The following LRRC37A3 variants were observed in gnomAD, a reference collection of about 807,000 sequenced individuals.
LRRC37A3 encodes the protein leucine rich repeat containing 37 member A3.
A neutral mutation model predicts 106.2 loss-of-function variants in LRRC37A3; 25 were observed. That is an observed-to-expected ratio of 0.24 (90% CI 0.17 to 0.33). LRRC37A3 has a LOEUF of 0.33. Ranked by LOEUF, LRRC37A3 falls within the 10% of genes least tolerant of loss-of-function variation. The pLI is 1.00. For missense variants in LRRC37A3, 712 were observed against 1,644.9 expected, an observed-to-expected ratio of 0.43 and a Z score of 9.81; for synonymous variants, 305 against 635.8, an observed-to-expected ratio of 0.48 and a Z score of 7.83.
In LRRC37A3 at chr17:64,854,447, T is replaced by G. The variant is rs1249809876; in HGVS notation, c.*152A>C. 2 of 1,117,934 alleles carry G rather than the reference T, an allele frequency of 1.8e-6. No homozygotes were observed. The highest frequency in any genetic ancestry group is 2.4e-5 in the Admixed American group (1 of 41,074). 69.3% of individuals were successfully genotyped at this position (1,117,934 alleles called of 1,614,324 possible). On this transcript the variant is annotated 3_prime_UTR_variant, in exon 15 of 15. Coordinates refer to ENST00000584306, the MANE Select transcript of LRRC37A3 (RefSeq NM_199340.5). Reference sequence around the variant, plus strand: ...TTCAGGTCTGGGTGACTAATTAGACTGGGAAACAAGGGCAGGAACGATGGC... The same window carrying G: ...TTCAGGTCTGGGTGACTAATTAGACGGGGAAACAAGGGCAGGAACGATGGC...
At chr17:64,874,858 G>A (rs569056100) in intron 8 of LRRC37A3, among the ~76,000 whole-genome samples, 5 of 151,860 alleles carry the variant, frequency 3.3e-5, no homozygotes, top group East Asian at 1.9e-4. Context: ...GATTAAGGGC[G>A]GTGCAAGATG....
intron 2 of LRRC37A3, among the ~76,000 whole-genome samples, chr17:64,913,080 G>C (rs62071415): frequency 0.11 from 15,370 of 144,222 alleles, no homozygotes; most frequent in Non-Finnish European, 0.16. Context: ...CCAGGCTAGA[G>C]TGCAATGGCA....
At chr17:64,861,882 G>T (rs1972885476) in intron 11 of LRRC37A3, among the ~76,000 whole-genome samples, 1 of 152,118 alleles carries the variant, frequency 6.6e-6, no homozygotes, top group African/African-American at 2.4e-5. Context: ...TTCTTTTCCA[G>T]AATTAAAAGT....
intron 8 of LRRC37A3, among the ~76,000 whole-genome samples, chr17:64,875,491 A>G (rs1383734522): frequency 6.6e-6 from 1 of 152,248 alleles, no homozygotes; most frequent in Non-Finnish European, 1.5e-5. Flanking sequence ...ATCTACACAA[A>G]GAAATAAAAA....
chr17:64,876,695 C>T (rs1973526263), intron 8 of LRRC37A3, among the ~76,000 whole-genome samples: 1 of 151,972 alleles, frequency 6.6e-6, no homozygotes, highest in Non-Finnish European at 1.5e-5. Context: ...TCTGAATAGA[C>T]AGACCTATGT....
intron 8 of LRRC37A3, among the ~76,000 whole-genome samples, chr17:64,884,409 A>C (rs1490577832): frequency 6.6e-6 from 1 of 151,842 alleles, no homozygotes; most frequent in Non-Finnish European, 1.5e-5. Context: ...TCTGTCCCTC[A>C]GGCTGGAGTG....
Position 64,860,378 on chromosome 17 carries a change from A to G in LRRC37A3, c.3768T>C (p.Pro1256=). The G allele has an allele frequency of 6.2e-7, 1 of 1,613,934 alleles. No homozygotes were observed. The highest frequency in any genetic ancestry group is 1.1e-5 in the South Asian group (1 of 91,078). ...GGGCTTTTGCAGGGCTGGAGGTAGA[A>G]GGCGCGCCCTTGGAGAAGGGTTTCA... ...SVLKPFSKGA[P]STSSPAKALP... is the part of the protein sequence containing the mutation. Residue 1256 remains proline, a synonymous_variant, in exon 12 of 15, where the codon CCT becomes CCC. Coordinates refer to ENST00000584306, the MANE Select transcript of LRRC37A3 (RefSeq NM_199340.5).
intron 2 of LRRC37A3, among the ~76,000 whole-genome samples, chr17:64,916,587 G>C (rs1385600890): frequency 6.8e-6 from 1 of 146,366 alleles, no homozygotes; most frequent in Non-Finnish European, 1.5e-5. Context: ...ATCAGTCTGG[G>C]CAACATATCA....
intron 2 of LRRC37A3, among the ~76,000 whole-genome samples, chr17:64,915,322 T>C (rs2143636166): frequency 6.6e-6 from 1 of 150,920 alleles, no homozygotes; most frequent in East Asian, 1.9e-4. Flanking sequence ...GGAAAATCTT[T>C]GTGAACTTGG....
intron 8 of LRRC37A3, among the ~76,000 whole-genome samples, chr17:64,870,617 A>T (rs1252734764): frequency 6.6e-6 from 1 of 151,886 alleles, no homozygotes; most frequent in African/African-American, 2.4e-5. Flanking sequence ...TTTTTAAATG[A>T]GGAAACTGAG....
Position 64,868,595 on chromosome 17 carries a change from A to G in LRRC37A3, c.2979-59T>C, listed in dbSNP as rs564286477. On this transcript the variant is annotated intron_variant, in intron 9 of 14. Transcript: ENST00000584306. ...GCCCCAATAAAAAATTCTGTACTTA[A>G]CAATTCAATTTTGGCTTCTCTATTA... 6.5e-6 allele frequency: 10 copies of G among 1,546,312 alleles called. No homozygotes were observed. The East Asian group carries it at 2.2e-4, about 35-fold the overall frequency.
intron 14 of LRRC37A3, 141 bp downstream of exon 14, chr17:64,855,699 G>T: frequency 1.5e-6 from 2 of 1,324,098 alleles, no homozygotes; most frequent in Non-Finnish European, 2.1e-6. Flanking sequence ...CTACTCGGGA[G>T]GCTGAGGCAG....
At chr17:64,873,111 A>T (rs1338985805) in intron 8 of LRRC37A3, among the ~76,000 whole-genome samples, 1 of 151,252 alleles carries the variant, frequency 6.6e-6, no homozygotes, top group African/African-American at 2.4e-5. Context: ...TCACTAAATA[A>T]ATAGCAACTA....
intron 13 of LRRC37A3, among the ~76,000 whole-genome samples, chr17:64,856,966 A>T (rs1972697648): frequency 2.0e-5 from 3 of 152,052 alleles, no homozygotes; most frequent in Non-Finnish European, 2.9e-5. Flanking sequence ...CCTGGGTGAC[A>T]ACAAGGCCCT....
chr17:64,877,075 T>C (rs1160999250), intron 8 of LRRC37A3: 1 of 151,230 alleles, frequency 6.6e-6, no homozygotes, highest in Non-Finnish European at 1.5e-5. Flanking sequence ...ACAATTGTTG[T>C]TTTTTTGAGT....
chr17:64,881,855 C>T (rs1973711019), intron 8 of LRRC37A3, among the ~76,000 whole-genome samples: 1 of 148,666 alleles, frequency 6.7e-6, no homozygotes, highest in Admixed American at 6.7e-5. Flanking sequence ...CCTGGGGATG[C>T]CCAGAGCTGG....
chr17:64,880,526 G>C (rs1268259771), intron 8 of LRRC37A3, among the ~76,000 whole-genome samples: 1 of 152,160 alleles, frequency 6.6e-6, no homozygotes, highest in Non-Finnish European at 1.5e-5. Context: ...TTAAACTAAG[G>C]TGCACTGACT....
chr17:64,866,390 G>A (rs1973070412), intron 10 of LRRC37A3, among the ~76,000 whole-genome samples: 2 of 150,838 alleles, frequency 1.3e-5, no homozygotes, highest in South Asian at 4.2e-4. Context: ...TAAATGAAGG[G>A]CCCTTTCCAT....
At chr17:64,865,932 T>A (rs1405177577) in intron 10 of LRRC37A3, among the ~76,000 whole-genome samples, 2 of 152,142 alleles carry the variant, frequency 1.3e-5, no homozygotes, top group Non-Finnish European at 2.9e-5. Context: ...TACTGACAAA[T>A]CTTTGAGACT....
Sources: gnomAD v4.1 joint callset for allele counts (sites outside exome capture counted in the v4.1 genomes callset) on GRCh38, gnomAD v4.1.1 for gene constraint, MANE v1.5 for transcripts, NCBI Gene and HGNC (gene_info 2026-07-23, HGNC 2026-07-21) for gene names.